Variants in CYBC1 observed in about 807,000 individuals in gnomAD.
CYBC1 encodes cytochrome b-245 chaperone 1, also known as essential for reactive oxygen species protein.
In CYBC1, 22 loss-of-function variants were observed where a neutral mutation model predicts 21.7. The ratio of observed to expected loss-of-function variants is 1.02; its 90% CI spans 0.73 to 1.45. The LOEUF (loss-of-function observed/expected upper bound fraction) is 1.45. Ranked by LOEUF, CYBC1 falls within the 40% of genes most tolerant of loss-of-function variation. CYBC1 has a pLI of 0.00. For synonymous variants in CYBC1, 112 were observed against 98.7 expected, an observed-to-expected ratio of 1.13 and a Z score of -0.80; for missense variants, 237 against 242.1, an observed-to-expected ratio of 0.98 and a Z score of 0.14.
intron 1 of CYBC1, chr17:82,449,553 G>A (rs138352835): frequency 8.3e-6 from 3 of 360,694 alleles, no homozygotes; most frequent in Non-Finnish European, 1.5e-5. Flanking sequence ...TCAGACTCAC[G>A]AGCTACAGCT....
rs1329015392 is a variant in CYBC1 at position 82,443,664 on chromosome 17, G to C, written c.*340C>G. The C allele has an allele frequency of 5.2e-6, 4 of 765,322 alleles. No individual in the cohort carries two copies. The highest frequency in any genetic ancestry group is 2.4e-6 in the Non-Finnish European group (1 of 419,134). 47.4% of individuals were successfully genotyped at this position (765,322 alleles called of 1,614,324 possible). On this transcript the variant is annotated 3_prime_UTR_variant, in exon 7 of 7. Coordinates refer to ENST00000306645, the MANE Select transcript of CYBC1 (RefSeq NM_001033046.4). This position sits in a 1 kb window ranked among gnomAD's most constrained non-coding sequence, Gnocchi z 6.7. ...AGGCCCAGGCCTCACGATGGAGAAA[G>C]TCTGGATGTCCTGGTCTGGCCTGCT...
At position 82,442,828 on chromosome 17, in the gene CYBC1, A is replaced by G. The variant is rs2054045457; in HGVS notation, c.*1176T>C. On this transcript the variant is annotated 3_prime_UTR_variant, in exon 7 of 7. Coordinates refer to ENST00000306645, the MANE Select transcript of CYBC1 (RefSeq NM_001033046.4). This position sits in a 1 kb window ranked among gnomAD's most constrained non-coding sequence, Gnocchi z 6.8. ...CTGGGCCTGCCGCCTAGGGGCTCAC[A>G]GGGCCCAGGAGTCCCCAGCTCACAG... 1.3e-5 allele frequency: 6 copies of G among 478,320 alleles called. No individual in the cohort carries two copies. The South Asian group carries it at 2.0e-4, about 16-fold the overall frequency. 29.6% of individuals were successfully genotyped at this position (478,320 alleles called of 1,614,324 possible).
At position 82,443,543 on chromosome 17, in the gene CYBC1, G is replaced by GGGCCCGGCCT; in HGVS notation, c.*451_*460dup. ...CAACATGCAGCATCAGCACCCACAAGGGCCCGGCCTGGCCCCGCCTCTCCA... is the reference window on the plus strand; with the variant it reads ...CAACATGCAGCATCAGCACCCACAAGGGCCCGGCCTGGCCCGGCCTGGCCCCGCCTCTCCA... On this transcript the variant is annotated 3_prime_UTR_variant, in exon 7 of 7. Coordinates refer to ENST00000306645, the MANE Select transcript of CYBC1 (RefSeq NM_001033046.4). This position sits in a 1 kb window ranked among gnomAD's most constrained non-coding sequence, Gnocchi z 6.7. 1 of 701,378 alleles carries GGGCCCGGCCT rather than the reference G, an allele frequency of 1.4e-6. No homozygotes were observed. The highest frequency in any genetic ancestry group is 1.5e-5 in the South Asian group (1 of 66,776). 43.4% of individuals were successfully genotyped at this position (701,378 alleles called of 1,614,324 possible). A position where few individuals can be genotyped will look rare whatever the true frequency, so the allele number is the denominator to read the frequency against.
rs1007835434 is a variant in CYBC1 at position 82,447,340 on chromosome 17, G to A, written c.127+240C>T. ...TGCACTCCAGCCTGGGTGACAGAGC[G>A]AGACTCCGTCTCAAAAAAAAAAAAA... On this transcript the variant is annotated intron_variant, in intron 3 of 6. Transcript: ENST00000306645. The A allele has an allele frequency of 4.0e-4, 224 of 557,472 alleles. 1 individual carries two copies. The highest frequency in any genetic ancestry group is 1.0e-3 in the South Asian group (52 of 49,742). 34.5% of individuals were successfully genotyped at this position (557,472 alleles called of 1,614,324 possible). A position where few individuals can be genotyped will look rare whatever the true frequency, so the allele number is the denominator to read the frequency against.
Position 82,447,441 on chromosome 17 carries a change from C to A in CYBC1, c.127+139G>T. ...ACAGCAGCGCATGGAGGGCGCGGTG[C>A]CCGCCAGCAATCAAGGGGCAGAGGT... On this transcript the variant is annotated intron_variant, in intron 3 of 6. Transcript: ENST00000306645. 6 of 739,362 alleles carry A rather than the reference C, an allele frequency of 8.1e-6. No individual in the cohort carries two copies. The South Asian group carries it at 9.0e-5, about 11-fold the overall frequency. 45.8% of individuals were successfully genotyped at this position (739,362 alleles called of 1,614,324 possible). A position where few individuals can be genotyped will look rare whatever the true frequency, so the allele number is the denominator to read the frequency against.
chr17:82,446,538 C>T, intron 4 of CYBC1, 85 bp downstream of exon 4: 1 of 1,322,268 alleles, frequency 7.6e-7, no homozygotes, highest in Non-Finnish European at 1.1e-6. Flanking sequence ...CCACCCAGGG[C>T]CCTTCCTCCT....
In CYBC1 at chr17:82,449,265, C is replaced by A; in HGVS notation, c.-11G>T. 1 of 1,551,022 alleles carries A rather than the reference C, an allele frequency of 6.4e-7. No homozygotes were observed. The highest frequency in any genetic ancestry group is 8.7e-7 in the Non-Finnish European group (1 of 1,149,152). ...CACCTGCAGGTACATCCCGAGAGGGCAGCACCACTCTCTACAGGAGGAGGG... is the reference window on the plus strand; with the variant it reads ...CACCTGCAGGTACATCCCGAGAGGGAAGCACCACTCTCTACAGGAGGAGGG... On this transcript the variant is annotated 5_prime_UTR_variant, in exon 2 of 7. Coordinates refer to ENST00000306645, the MANE Select transcript of CYBC1 (RefSeq NM_001033046.4).
At position 82,449,221 on chromosome 17, in the gene CYBC1, G is replaced by C; in HGVS notation, c.34C>G (p.Arg12Gly). The C allele has an allele frequency of 6.3e-7, 1 of 1,580,962 alleles. No homozygotes were observed. ...YLQVETRTSS[R>G]LHLKRAPGIR... The stretch of plus-strand genomic sequence containing the variant: ...CCTGGAGCCCTCTTCAGATGGAGGC[G>C]GGAGCTGGTGCGGGTCTCCACCTGC... Residue 12 changes from arginine (R) to glycine (G), a missense_variant, in exon 2 of 7, where the codon CGC becomes GGC. Coordinates refer to ENST00000306645, the MANE Select transcript of CYBC1 (RefSeq NM_001033046.4).
Position 82,443,513 on chromosome 17 carries a change from G to A in CYBC1, c.*491C>T, listed in dbSNP as rs1039883094. 2.0e-5 allele frequency: 14 copies of A among 699,338 alleles called. No homozygotes were observed. The highest frequency in any genetic ancestry group is 2.7e-5 in the East Asian group (1 of 37,168). The allele number at this position is 699,338 out of a possible 1,614,324, so 43.3% of individuals were successfully genotyped here. A position where few individuals can be genotyped will look rare whatever the true frequency, so the allele number is the denominator to read the frequency against. On this transcript the variant is annotated 3_prime_UTR_variant, in exon 7 of 7. Transcript: ENST00000306645. This position sits in a 1 kb window ranked among gnomAD's most constrained non-coding sequence, Gnocchi z 6.7. ...TCCACCAGGGAGAGGACGCTGTGTC[G>A]GGGACAACATGCAGCATCAGCACCC...
intron 3 of CYBC1, chr17:82,447,076 G>A (rs936331190): frequency 2.1e-5 from 7 of 334,452 alleles, no homozygotes; most frequent in Admixed American, 9.4e-5. Context: ...AAATGTGGCC[G>A]GGCGCAGTGG....
chr17:82,447,591 T>C lies in CYBC1; in HGVS notation c.116A>G (p.Tyr39Cys), dbSNP rs1332763057. The C allele has an allele frequency of 1.2e-6, 2 of 1,601,366 alleles. No individual in the cohort carries two copies. The highest frequency in any genetic ancestry group is 8.5e-7 in the Non-Finnish European group (1 of 1,175,996). The change falls in exon 3 of 7, where the codon TAC becomes TGC. Residue 39 changes from tyrosine (Y) to cysteine (C), a missense_variant. Physicochemically the swap from Tyr to Cys is radical, Grantham distance 194. Transcript: ENST00000306645. ...GILSIGLAAA[Y>C]YSGDSLGWKL... Reference sequence around the variant, plus strand: ...GGGGGGTGCTTTACCTCCGCTGTAGTAGGCAGCAGCCAGGCCAATCGACAA... The same window carrying C: ...GGGGGGTGCTTTACCTCCGCTGTAGCAGGCAGCAGCCAGGCCAATCGACAA...
rs2054092180 is a variant in CYBC1, at chr17:82,443,573, C to A, written c.*431G>T. ...CGGCCTGGCCCCGCCTCTCCACTCG[C>A]CCGAGGTCTTGCTGTGGCCCAAAGC... On this transcript the variant is annotated 3_prime_UTR_variant, in exon 7 of 7. Transcript: ENST00000306645. This position sits in a 1 kb window ranked among gnomAD's most constrained non-coding sequence, Gnocchi z 6.7. 2.8e-6 allele frequency: 2 copies of A among 702,592 alleles called. No homozygotes were observed. The highest frequency in any genetic ancestry group is 5.4e-5 in the East Asian group (2 of 37,288). 43.5% of individuals were successfully genotyped at this position (702,592 alleles called of 1,614,324 possible). A position where few individuals can be genotyped will look rare whatever the true frequency, so the allele number is the denominator to read the frequency against.
In CYBC1 at chr17:82,446,681, T is replaced by G. The variant is rs2054311636; in HGVS notation, c.143A>C (p.Lys48Thr). The G allele has an allele frequency of 3.7e-6, 6 of 1,614,064 alleles. No individual in the cohort carries two copies. The highest frequency in any genetic ancestry group is 5.1e-6 in the Non-Finnish European group (6 of 1,180,004). ...AYYSGDSLGWKLFYVTGCLFV... is the reference protein window; with the variant it reads ...AYYSGDSLGWTLFYVTGCLFV... ...CAGGCAGCCTGTGACGTAGAAGAGC[T>G]TCCAGCCCAGGCTATCTGGAGATGG... The change falls in exon 4 of 7, where the codon AAG becomes ACG. Residue 48 changes from lysine (K) to threonine (T), a missense_variant. Transcript: ENST00000306645.
intron 4 of CYBC1, among the ~76,000 whole-genome samples, chr17:82,446,358 C>T (rs2054286959): frequency 6.6e-6 from 1 of 152,190 alleles, no homozygotes; most frequent in Non-Finnish European, 1.5e-5. Flanking sequence ...ATTGTGGCAA[C>T]TCTGGGAAGA....
At chr17:82,447,984 A>G in intron 2 of CYBC1, 1 of 356,260 alleles carries the variant, frequency 2.8e-6, no homozygotes, top group Non-Finnish European at 5.2e-6. Context: ...TACTAGACAC[A>G]TCTGCTGTGT....
At chr17:82,445,309 G>A (rs899786314) in intron 5 of CYBC1, 1 of 156,868 alleles carries the variant, frequency 6.4e-6, no homozygotes, top group Non-Finnish European at 1.4e-5. Flanking sequence ...AGGCTCAAGG[G>A]TGGGGAGTTC....
intron 2 of CYBC1, 134 bp downstream of exon 2, chr17:82,449,036 G>A (rs2054445788): frequency 1.4e-6 from 1 of 715,932 alleles, no homozygotes; most frequent in African/African-American, 1.8e-5. Context: ...AATTTGAATG[G>A]ATACAAAGAA....
intron 2 of CYBC1, 44 bp from the exon 3 acceptor site, chr17:82,447,665 C>A: frequency 6.5e-7 from 1 of 1,546,568 alleles, no homozygotes; most frequent in Non-Finnish European, 8.8e-7. Flanking sequence ...CCCGGTAAGA[C>A]CCCACCTCCC....
chr17:82,444,800 G>A (rs1003510761), intron 5 of CYBC1: 9 of 593,536 alleles, frequency 1.5e-5, no homozygotes, highest in African/African-American at 7.5e-5. Flanking sequence ...ACGTGCCCGC[G>A]GTGCAGGCTG....
Sources: allele counts gnomAD v4.1 joint callset (sites outside exome capture counted in the v4.1 genomes callset), GRCh38; gene constraint gnomAD v4.1.1; non-coding constraint Gnocchi (gnomAD v3.1); transcripts MANE v1.5; gene names NCBI Gene and HGNC (gene_info 2026-07-23, HGNC 2026-07-21).